Variants in SH3D19 observed in about 807,000 individuals in gnomAD.
SH3D19 encodes SH3 domain-containing protein 19.
Under a neutral mutation model 112.1 loss-of-function variants are expected in SH3D19, and 58 were observed. The observed-to-expected ratio is 0.52, with a 90% CI of 0.42 to 0.64. SH3D19 has a LOEUF of 0.64. Ranked by LOEUF, SH3D19 falls within the 30% of genes least tolerant of loss-of-function variation. SH3D19 has a pLI of 0.00. For missense variants in SH3D19, 1,090 were observed against 1,263.4 expected (o/e 0.86, Z 2.08); for synonymous variants, 391 against 448.5 (o/e 0.87, Z 1.62).
chr4:151,234,735 GTTTTTTTTT>G (rs541665981), intron 1 of SH3D19, among the ~76,000 whole-genome samples: 7 of 25,074 alleles, frequency 2.8e-4, no homozygotes, highest in African/African-American at 3.7e-4. Flanking sequence ...CCAAGTTTGT[GTTTTTTTTT>G]TTTTTTTTTT....
Position 151,121,887 on chromosome 4 carries a change from A to T in SH3D19, c.*204T>A. The T allele has an allele frequency of 2.3e-6, 1 of 441,314 alleles. No homozygotes were observed. Among genetic ancestry groups the T allele is most frequent in the Non-Finnish European group, 4.0e-6 (1 of 249,856 alleles). The allele number at this position is 441,314 out of a possible 1,614,324, so 27.3% of individuals were successfully genotyped here. A position where few individuals can be genotyped will look rare whatever the true frequency, so the allele number is the denominator to read the frequency against. On this transcript the variant is annotated 3_prime_UTR_variant, in exon 20 of 20. Coordinates refer to ENST00000604030, the MANE Select transcript of SH3D19 (RefSeq NM_001378122.1). ...GTTTTCCTCGGTAGAATCCTAGCTCATGGGTTTCCATGTGCATGTTTCTAT... is the reference window on the plus strand; with the variant it reads ...GTTTTCCTCGGTAGAATCCTAGCTCTTGGGTTTCCATGTGCATGTTTCTAT...
At chr4:151,324,381 C>T (rs913314617) in intron 1 of SH3D19, among the ~76,000 whole-genome samples, 2 of 152,198 alleles carry the variant, frequency 1.3e-5, no homozygotes, top group African/African-American at 4.8e-5. Context: ...TCGTTCTCCT[C>T]CGACTCTCTC....
chr4:151,325,185 C>A, intron 1 of SH3D19, 56 bp downstream of exon 1: 1 of 998,576 alleles, frequency 1.0e-6, no homozygotes, highest in South Asian at 5.1e-5. Context: ...AGGACCCGAG[C>A]GGCCCCAGAG....
intron 9 of SH3D19, among the ~76,000 whole-genome samples, chr4:151,158,882 T>C (rs1488915631): frequency 1.3e-5 from 2 of 152,148 alleles, no homozygotes; most frequent in Non-Finnish European, 2.9e-5. Context: ...TGGTCACTAG[T>C]TGGGTATTTT....
chr4:151,190,067 T>C (rs1476455665), intron 2 of SH3D19, among the ~76,000 whole-genome samples: 1 of 152,202 alleles, frequency 6.6e-6, no homozygotes, highest in Non-Finnish European at 1.5e-5. Flanking sequence ...CAAAGGTGAC[T>C]CTTGTTATGT....
Position 151,128,240 on chromosome 4 carries a change from A to G in SH3D19, c.2859T>C (p.Ser953=), listed in dbSNP as rs1432915481. ...CCTGCAGTCTGCCCCTGCACCAGTC[A>G]GAATCCAGACGTTCCAGAATCTGGA... is the stretch of plus-strand genomic sequence containing the variant. The part of the protein sequence containing the change: ...DRIQILERLD[S]DWCRGRLQDR... The change falls in exon 18 of 20, where the codon TCT becomes TCC. Residue 953 remains serine (S), a synonymous_variant. Transcript: ENST00000604030. 6.2e-7 allele frequency: 1 copy of G among 1,614,096 alleles called. No individual in the cohort carries two copies. Among genetic ancestry groups the G allele is most frequent in the African/African-American group, 1.3e-5 (1 of 74,940 alleles).
At chr4:151,287,261 A>T (rs1311254497) in intron 1 of SH3D19, among the ~76,000 whole-genome samples, 1 of 150,170 alleles carries the variant, frequency 6.7e-6, no homozygotes. Flanking sequence ...GAATCACTTG[A>T]ACCCGGGAGG....
At chr4:151,282,571 T>C (rs1470393883) in intron 1 of SH3D19, among the ~76,000 whole-genome samples, 1 of 152,334 alleles carries the variant, frequency 6.6e-6, no homozygotes, top group East Asian at 1.9e-4. Context: ...AATATCTTTT[T>C]TGACATTTAT....
At chr4:151,199,018 CTTT>C (rs5862951) in intron 2 of SH3D19, among the ~76,000 whole-genome samples, 35 of 119,388 alleles carry the variant, frequency 2.9e-4, no homozygotes, top group Non-Finnish European at 4.4e-4. Context: ...CAGCTAACAT[CTTT>C]TTTTTTTTTT....
At chr4:151,303,597 G>A (rs1299464134) in intron 1 of SH3D19, among the ~76,000 whole-genome samples, 1 of 152,134 alleles carries the variant, frequency 6.6e-6, no homozygotes, top group Non-Finnish European at 1.5e-5. Flanking sequence ...ACTCCCCAGA[G>A]TATTAGCCAT....
chr4:151,127,724 A>T lies in SH3D19; in HGVS notation c.2930-9T>A, dbSNP rs1203055194. ...CATACTTTTTGCCTCAGCTGTGAAG[A>T]CATAAAAAATTTAAATATATAGAAA... On this transcript the variant is annotated splice_polypyrimidine_tract_variant and intron_variant, in intron 18 of 19. Coordinates refer to ENST00000604030, the MANE Select transcript of SH3D19 (RefSeq NM_001378122.1). The T allele has an allele frequency of 1.3e-6, 2 of 1,548,340 alleles. No individual in the cohort carries two copies. Among genetic ancestry groups the T allele is most frequent in the South Asian group, 2.5e-5 (2 of 81,204 alleles).
chr4:151,227,933 A>C, intron 1 of SH3D19: 1 of 985,444 alleles, frequency 1.0e-6, no homozygotes, highest in Non-Finnish European at 1.2e-6. Context: ...AACAAGACTC[A>C]GTATCCAAGG....
intron 1 of SH3D19, among the ~76,000 whole-genome samples, chr4:151,270,029 C>T (rs987792319): frequency 6.6e-6 from 1 of 151,912 alleles, no homozygotes; most frequent in Non-Finnish European, 1.5e-5. Flanking sequence ...TACTTCCTGA[C>T]AGACCTGCCT....
chr4:151,263,452 G>A (rs563814560), intron 1 of SH3D19, among the ~76,000 whole-genome samples: 6 of 152,140 alleles, frequency 3.9e-5, no homozygotes, highest in Non-Finnish European at 5.9e-5. Context: ...GAGGAGCCCC[G>A]GCAGTATATT....
chr4:151,193,148 AT>A (rs34587610), intron 2 of SH3D19, among the ~76,000 whole-genome samples: 13,792 of 152,222 alleles, frequency 0.091, 902 homozygotes, highest in East Asian at 0.19. Flanking sequence ...AATCCACTTA[AT>A]AAGCAAATCC....
Position 151,133,233 on chromosome 4 carries a change from G to A in SH3D19, c.2490C>T (p.Gly830=). 2 of 1,613,926 alleles carry A rather than the reference G, an allele frequency of 1.2e-6. No individual in the cohort carries two copies. The highest frequency in any genetic ancestry group is 1.7e-6 in the Non-Finnish European group (2 of 1,179,896). ...RECVSSHCVK[G]SRCVARFEYI... is the part of the protein sequence containing the mutation. The stretch of plus-strand genomic sequence containing the variant: ...ATTCAAACCGAGCAACACATCTTGA[G>A]CCTCTGAATGAAGAACACATTTTGT... Residue 830 remains glycine (G), a synonymous_variant, in exon 16 of 20, where the codon GGC becomes GGT. Transcript: ENST00000604030.
chr4:151,221,013 T>G (rs1767948533), intron 2 of SH3D19, among the ~76,000 whole-genome samples: 1 of 152,206 alleles, frequency 6.6e-6, no homozygotes, highest in African/African-American at 2.4e-5. Context: ...CAAATCAACA[T>G]CAAAACAAAG....
At chr4:151,288,073 C>T (rs1712879977) in intron 1 of SH3D19, among the ~76,000 whole-genome samples, 2 of 151,390 alleles carry the variant, frequency 1.3e-5, no homozygotes, top group Admixed American at 6.6e-5. Flanking sequence ...AATCCAACAA[C>T]GCTTCACGTT....
chr4:151,153,216 T>G (rs973019504), intron 9 of SH3D19, among the ~76,000 whole-genome samples: 1 of 152,104 alleles, frequency 6.6e-6, no homozygotes, highest in Non-Finnish European at 1.5e-5. Flanking sequence ...TCCATATGTT[T>G]CTTATCTTTT....
Sources: gnomAD v4.1 joint callset for allele counts (sites outside exome capture counted in the v4.1 genomes callset) on GRCh38, gnomAD v4.1.1 for gene constraint, MANE v1.5 for transcripts, NCBI Gene and HGNC (gene_info 2026-07-23, HGNC 2026-07-21) for gene names.